Variants in FAM221A observed in about 807,000 individuals in gnomAD.
FAM221A encodes the protein family with sequence similarity 221 member A, also known as protein FAM221A.
FAM221A carries 43 observed loss-of-function variants against 37.6 expected under a neutral mutation model. The ratio of observed to expected loss-of-function variants is 1.15; its 90% CI spans 0.90 to 1.48. The LOEUF (loss-of-function observed/expected upper bound fraction) is 1.48, where lower values mean the gene tolerates loss of function less well. FAM221A is among the 40% of genes most tolerant of loss of function. FAM221A has a pLI of 0.00. For missense variants in FAM221A, 361 were observed against 361.5 expected, an observed-to-expected ratio of 1.00 and a Z score of 0.01; for synonymous variants, 135 against 132.9, an observed-to-expected ratio of 1.02 and a Z score of -0.11.
chr7:23,697,056 C>G (rs4722253), intron 4 of FAM221A, among the ~76,000 whole-genome samples: 86,918 of 151,952 alleles, frequency 0.57, 25,449 homozygotes, highest in South Asian at 0.68. Context: ...TACTTATAGT[C>G]GGAGCAAGCA....
rs1784766417 is a variant in FAM221A, at chr7:23,691,737, G to A, written c.637+141G>A. On this transcript the variant is annotated intron_variant, in intron 4 of 6. Transcript: ENST00000344962. The stretch of plus-strand genomic sequence containing the variant: ...CTCGTTTGATTTTTATTTTTTAAAA[G>A]AGGTTTTTAAAATTTTTATTTTATT... 3 of 786,210 alleles carry A rather than the reference G, an allele frequency of 3.8e-6. No individual in the cohort carries two copies. The Admixed American group carries it at 9.4e-5, about 25-fold the overall frequency. The allele number at this position is 786,210 out of a possible 1,614,324, so 48.7% of individuals were successfully genotyped here.
At chr7:23,684,384 A>G in intron 1 of FAM221A, 115 bp from the exon 2 acceptor site, 2 of 828,850 alleles carry the variant, frequency 2.4e-6, no homozygotes, top group East Asian at 2.7e-5. Context: ...GTAAGAAAAG[A>G]CAGATTTACA....
chr7:23,690,191 A>T (rs1296157355), intron 3 of FAM221A, among the ~76,000 whole-genome samples: 3 of 55,314 alleles, frequency 5.4e-5, no homozygotes, highest in East Asian at 5.6e-4. Context: ...ATATATATAT[A>T]TATATATATT....
At chr7:23,691,627 T>C in intron 4 of FAM221A, 31 bp downstream of exon 4, 4 of 1,582,120 alleles carry the variant, frequency 2.5e-6, no homozygotes, top group South Asian at 1.1e-5. Context: ...TGTGAGCCCA[T>C]TGTATTGTTT....
In FAM221A at chr7:23,681,147, A is replaced by C. The variant is rs1265263043; in HGVS notation, c.65+864A>C. On this transcript the variant is annotated intron_variant, in intron 1 of 6. Transcript: ENST00000344962. ...TAGAACTGCCTGGATATTCTGAGCC[A>C]GAAGAATAAGGGCTAGGAGCTTGAT... is the stretch of plus-strand genomic sequence containing the variant. Among the ~76,000 whole-genome samples the C allele has an allele frequency of 3.3e-5, 5 of 152,316 alleles. No individual in the cohort carries two copies. In the South Asian group the frequency reaches 1.0e-3, roughly 32 times the overall value.
intron 4 of FAM221A, chr7:23,693,514 C>A (rs1471404731): frequency 6.6e-6 from 1 of 150,968 alleles, no homozygotes; most frequent in East Asian, 1.9e-4. Context: ...TATAGGAAGT[C>A]TTTTTATATA....
chr7:23,699,367 T>A (rs1785261127), intron 5 of FAM221A, among the ~76,000 whole-genome samples: 1 of 151,832 alleles, frequency 6.6e-6, no homozygotes, highest in Non-Finnish European at 1.5e-5. Flanking sequence ...GCTAGCCTCC[T>A]GCCTCAGCTT....
At chr7:23,692,798 A>G in intron 4 of FAM221A, 2 of 884,008 alleles carry the variant, frequency 2.3e-6, no homozygotes, top group Non-Finnish European at 2.7e-6. Flanking sequence ...TCTTTAACAT[A>G]CAATTTTACT....
intron 2 of FAM221A, among the ~76,000 whole-genome samples, chr7:23,685,436 C>G (rs1256818463): frequency 6.6e-6 from 1 of 152,138 alleles, no homozygotes; most frequent in Non-Finnish European, 1.5e-5. Context: ...TTTGGTGGCC[C>G]TGTGGCTTTG....
At chr7:23,692,897 G>A (rs1784834467) in intron 4 of FAM221A, 2 of 250,392 alleles carry the variant, frequency 8.0e-6, no homozygotes, top group African/African-American at 4.6e-5. Flanking sequence ...TGAACTCCTG[G>A]GTTCAAGCGA....
intron 3 of FAM221A, among the ~76,000 whole-genome samples, chr7:23,689,676 T>C (rs575599254): frequency 6.6e-6 from 1 of 152,336 alleles, no homozygotes; most frequent in African/African-American, 2.4e-5. Flanking sequence ...GTTAATGGTA[T>C]GCTTGATAAT....
chr7:23,701,212 TAAAG>T (rs1481528687), intron 6 of FAM221A, among the ~76,000 whole-genome samples: 2 of 150,698 alleles, frequency 1.3e-5, no homozygotes, highest in Admixed American at 6.6e-5. Flanking sequence ...ATTTGCCAAA[TAAAG>T]ATTGAATATA....
chr7:23,690,067 A>G (rs1784622178), intron 3 of FAM221A, among the ~76,000 whole-genome samples: 1 of 150,878 alleles, frequency 6.6e-6, no homozygotes, highest in Admixed American at 6.6e-5. Context: ...CTTATGGTGA[A>G]GTGTGTAATA....
rs1434441604 is a variant in FAM221A at position 23,683,237 on chromosome 7, G to A, written c.66-1262G>A. Among the ~76,000 whole-genome samples, 4 of 152,132 alleles carry A rather than the reference G, an allele frequency of 2.6e-5. No homozygotes were observed. In the East Asian group the frequency reaches 5.8e-4, roughly 22 times the overall value. On this transcript the variant is annotated intron_variant, in intron 1 of 6. Coordinates refer to ENST00000344962, the MANE Select transcript of FAM221A (RefSeq NM_199136.5). ...GTCGTGCTTTCTTTTCCTCCAGGGA[G>A]GCCAACTCTTAATTTCTTTTCATAG...
At position 23,681,697 on chromosome 7, in the gene FAM221A, C is replaced by G. The variant is rs567469483; in HGVS notation, c.65+1414C>G. Among the ~76,000 whole-genome samples, 4 of 152,312 alleles carry G rather than the reference C, an allele frequency of 2.6e-5. No individual in the cohort carries two copies. In the East Asian group the frequency reaches 7.7e-4, roughly 29 times the overall value. On this transcript the variant is annotated intron_variant, in intron 1 of 6. Coordinates refer to ENST00000344962, the MANE Select transcript of FAM221A (RefSeq NM_199136.5). ...TGTTGGGATTACAGGCCTGGGCCAC[C>G]GCGCCCGGCTGGGAAATTATTTTTG...
chr7:23,694,009 C>T (rs1391107035), intron 4 of FAM221A: 3 of 152,312 alleles, frequency 2.0e-5, no homozygotes, highest in Non-Finnish European at 4.4e-5. Context: ...CACCCTCTGA[C>T]AGGCCCCTGT....
rs553285310 is a variant in FAM221A, at chr7:23,692,950, G to A, written c.637+1354G>A. On this transcript the variant is annotated intron_variant, in intron 4 of 6. Coordinates refer to ENST00000344962, the MANE Select transcript of FAM221A (RefSeq NM_199136.5). ...TCCTAGTAGCTGGGATTACAGGCAT[G>A]CATCACCATACCTGGCTTTACTTTT... The A allele has an allele frequency of 3.1e-4, 49 of 160,094 alleles. 1 individual carries two copies. The South Asian group carries it at 9.5e-3, about 31-fold the overall frequency. 9.9% of individuals were successfully genotyped at this position (160,094 alleles called of 1,614,324 possible). A position where few individuals can be genotyped will look rare whatever the true frequency, so the allele number is the denominator to read the frequency against.
intron 2 of FAM221A, chr7:23,688,325 T>C (rs7802834): frequency 0.86 from 131,403 of 152,204 alleles, 56,792 homozygotes; most frequent in South Asian, 0.92. Context: ...GGATTACAGG[T>C]GTGAGCCACC....
In FAM221A at chr7:23,680,212, A is replaced by G; in HGVS notation, c.-7A>G. The G allele has an allele frequency of 6.5e-7, 1 of 1,548,980 alleles. No individual in the cohort carries two copies. The highest frequency in any genetic ancestry group is 8.7e-7 in the Non-Finnish European group (1 of 1,145,702). On this transcript the variant is annotated 5_prime_UTR_variant, in exon 1 of 7. Coordinates refer to ENST00000344962, the MANE Select transcript of FAM221A (RefSeq NM_199136.5). ...CCGCAGGGAAGCCTTTGGCTTCCCCACCGGCAATGGAGCGGTTGACGTTGC... is the reference window on the plus strand; with the variant it reads ...CCGCAGGGAAGCCTTTGGCTTCCCCGCCGGCAATGGAGCGGTTGACGTTGC...
Sources: gnomAD v4.1 joint callset for allele counts (sites outside exome capture counted in the v4.1 genomes callset) on GRCh38, gnomAD v4.1.1 for gene constraint, MANE v1.5 for transcripts, NCBI Gene and HGNC (gene_info 2026-07-23, HGNC 2026-07-21) for gene names.